KCNN2: variants seen among roughly 807,000 people sequenced by gnomAD.
KCNN2 encodes the protein small conductance calcium-activated potassium channel protein 2.
Under a neutral mutation model 55.5 loss-of-function variants are expected in KCNN2, and 24 were observed. The observed-to-expected ratio is 0.43, with a 90% confidence interval of 0.31 to 0.61. The LOEUF (loss-of-function observed/expected upper bound fraction) is 0.61. Ranked by LOEUF, KCNN2 falls within the 20% of genes least tolerant of loss-of-function variation. The probability of loss-of-function intolerance (pLI) is 0.08; values close to 1 mark genes in which losing one functional copy is unlikely to be tolerated. For synonymous variants in KCNN2, 431 were observed against 336.1 expected, an observed-to-expected ratio of 1.28 and a Z score of -3.09; for missense variants, 754 against 853.6, an observed-to-expected ratio of 0.88 and a Z score of 1.45.
At chr5:114,099,394 T>C (rs1751330332) in intron 1 of KCNN2, among the ~76,000 whole-genome samples, 1 of 152,118 alleles carries the variant, frequency 6.6e-6, no homozygotes. Context: ...AAACAAAAAC[T>C]TGGAGGAGAA....
At chr5:114,159,735 G>A (rs1178328880) in intron 1 of KCNN2, among the ~76,000 whole-genome samples, 1 of 151,956 alleles carries the variant, frequency 6.6e-6, no homozygotes. Context: ...GTCTTGGGAG[G>A]GTGTATGTGT....
intron 2 of KCNN2, among the ~76,000 whole-genome samples, chr5:114,236,494 G>A (rs1754495161): frequency 6.6e-6 from 1 of 152,000 alleles, no homozygotes; most frequent in Non-Finnish European, 1.5e-5. Flanking sequence ...GAGTACTCAT[G>A]AATCCAGAAT....
chr5:114,386,820 G>C (rs1444224874), intron 2 of KCNN2, among the ~76,000 whole-genome samples: 1 of 152,158 alleles, frequency 6.6e-6, no homozygotes, highest in African/African-American at 2.4e-5. Flanking sequence ...AGAGATTTCA[G>C]TCTCTATTTA....
At chr5:114,179,695 T>C (rs2112551883) in intron 1 of KCNN2, among the ~76,000 whole-genome samples, 1 of 152,234 alleles carries the variant, frequency 6.6e-6, no homozygotes, top group South Asian at 2.1e-4. Flanking sequence ...CCAGGCACAA[T>C]CATCACTCCC....
At chr5:114,069,104 C>T (rs1483727547) in intron 1 of KCNN2, among the ~76,000 whole-genome samples, 2 of 152,132 alleles carry the variant, frequency 1.3e-5, no homozygotes, top group East Asian at 1.9e-4. Context: ...CGTGAGCCAC[C>T]GCACCCTGCC....
chr5:114,433,353 C>G (rs180700956), intron 3 of KCNN2, among the ~76,000 whole-genome samples: 10 of 152,204 alleles, frequency 6.6e-5, no homozygotes, highest in Admixed American at 5.9e-4. Flanking sequence ...CTGTATCTGT[C>G]TAATCTGGTG....
At chr5:114,181,419 A>G (rs746756405) in intron 1 of KCNN2, among the ~76,000 whole-genome samples, 10 of 152,170 alleles carry the variant, frequency 6.6e-5, no homozygotes, top group Non-Finnish European at 1.2e-4. Flanking sequence ...AAGTGTTTTC[A>G]AATACTTTGC....
intron 1 of KCNN2, among the ~76,000 whole-genome samples, chr5:114,193,847 ATT>A (rs544808753): frequency 1.6e-4 from 25 of 152,016 alleles, no homozygotes; most frequent in Non-Finnish European, 2.8e-4. Flanking sequence ...GTGTGTTTTT[ATT>A]TTCTTTTAAA....
chr5:114,362,601 C>A lies in KCNN2; in HGVS notation c.462C>A (p.Ala154=). ...AGTCCGCGCAGCAGTCGGCGTCCGC[C>A]TCCCAGTACCACCAGTGCCACAGCC... The part of the protein sequence containing the change: ...AQQSAQQSAS[A]SQYHQCHSLQ... The change falls in exon 1 of 8, where the codon GCC becomes GCA. Residue 154 remains alanine (A), a synonymous_variant. Transcript: ENST00000673685. The A allele has an allele frequency of 1.2e-6, 1 of 837,890 alleles. No individual in the cohort carries two copies. The allele number at this position is 837,890 out of a possible 1,614,324, so 51.9% of individuals were successfully genotyped here. A position where few individuals can be genotyped will look rare whatever the true frequency, so the allele number is the denominator to read the frequency against.
chr5:114,252,786 TGTGAGAGAGAGA>T (rs763986785), intron 2 of KCNN2, among the ~76,000 whole-genome samples: 56 of 147,122 alleles, frequency 3.8e-4, no homozygotes, highest in Admixed American at 1.1e-3. Context: ...TGTGTGTGTG[TGTGAGAGAGAGA>T]GAGAGAGAGA....
At chr5:114,205,149 G>C (rs1193452598) in intron 1 of KCNN2, among the ~76,000 whole-genome samples, 1 of 151,946 alleles carries the variant, frequency 6.6e-6, no homozygotes, top group Non-Finnish European at 1.5e-5. Context: ...TTTGTGTATA[G>C]GCAGAATTGA....
chr5:114,072,028 C>T (rs972990712), intron 1 of KCNN2, among the ~76,000 whole-genome samples: 3 of 152,208 alleles, frequency 2.0e-5, no homozygotes, highest in Non-Finnish European at 4.4e-5. Context: ...CGTGGTGCCT[C>T]ATGCCTGAAA....
At chr5:114,473,411 A>G (rs1161816647) in intron 5 of KCNN2, among the ~76,000 whole-genome samples, 1 of 152,192 alleles carries the variant, frequency 6.6e-6, no homozygotes, top group East Asian at 1.9e-4. Context: ...AGGTATGCCT[A>G]CTTGTTTAGA....
intron 1 of KCNN2, among the ~76,000 whole-genome samples, chr5:114,214,528 C>G (rs941162645): frequency 6.6e-6 from 1 of 151,948 alleles, no homozygotes; most frequent in Non-Finnish European, 1.5e-5. Flanking sequence ...AGCTAGGTAT[C>G]GAAAATTGAC....
intron 2 of KCNN2, among the ~76,000 whole-genome samples, chr5:114,276,256 G>T (rs982907788): frequency 6.6e-6 from 1 of 152,028 alleles, no homozygotes; most frequent in Non-Finnish European, 1.5e-5. Context: ...CAAATATGTG[G>T]TCAATTTTAG....
chr5:114,093,961 G>A (rs2112559455), intron 1 of KCNN2, among the ~76,000 whole-genome samples: 1 of 152,274 alleles, frequency 6.6e-6, no homozygotes, highest in East Asian at 1.9e-4. Flanking sequence ...ACTCTGTAAG[G>A]TTAAGGAACC....
At chr5:114,484,359 C>T (rs1033094010) in intron 5 of KCNN2, among the ~76,000 whole-genome samples, 5 of 152,062 alleles carry the variant, frequency 3.3e-5, no homozygotes, top group Admixed American at 6.6e-5. Context: ...AATTACTTAA[C>T]GGGTACAATG....
At chr5:114,396,699 T>G (rs1043244669) in intron 2 of KCNN2, among the ~76,000 whole-genome samples, 6 of 151,932 alleles carry the variant, frequency 3.9e-5, no homozygotes, top group African/African-American at 1.2e-4. Context: ...TAGGCACGCA[T>G]CACCACACCT....
intron 1 of KCNN2, among the ~76,000 whole-genome samples, chr5:114,176,077 C>A (rs914156793): frequency 3.9e-5 from 6 of 152,110 alleles, no homozygotes; most frequent in African/African-American, 1.2e-4. Context: ...CTACTGTAGA[C>A]CAGTGTTTCT....
Sources: allele counts gnomAD v4.1 joint callset (sites outside exome capture counted in the v4.1 genomes callset), GRCh38; gene constraint gnomAD v4.1.1; transcripts MANE v1.5; gene names NCBI Gene and HGNC (gene_info 2026-07-23, HGNC 2026-07-21).